Variants in HRH1 observed in about 807,000 individuals in gnomAD.
The protein encoded by HRH1 is histamine receptor H1.
A neutral mutation model predicts 10.3 loss-of-function variants in HRH1; 6 were observed. The observed-to-expected ratio is 0.58, with a 90% confidence interval of 0.32 to 1.15. HRH1 has a LOEUF of 1.15. Among genes scored for constraint, HRH1 ranks in the 50% most tolerant of loss-of-function variants. HRH1 has a pLI of 0.05. For missense variants in HRH1, 514 were observed against 615.3 expected (o/e 0.84, Z 1.74); for synonymous variants, 242 against 236.7 (o/e 1.02, Z -0.21).
At chr3:11,171,962 G>A (rs1284383729) in intron 1 of HRH1, among the ~76,000 whole-genome samples, 1 of 152,182 alleles carries the variant, frequency 6.6e-6, no homozygotes, top group Non-Finnish European at 1.5e-5. Flanking sequence ...AGATTTTGTA[G>A]GTGCTACTTG....
intron 1 of HRH1, among the ~76,000 whole-genome samples, chr3:11,196,875 C>T (rs1213523994): frequency 1.3e-5 from 2 of 148,554 alleles, no homozygotes; most frequent in Admixed American, 6.8e-5. Flanking sequence ...TTTGGGAGGC[C>T]GAGGTGGTCA....
chr3:11,137,614 G>A (rs925688980), intron 1 of HRH1, among the ~76,000 whole-genome samples: 1 of 152,144 alleles, frequency 6.6e-6, no homozygotes, highest in African/African-American at 2.4e-5. Context: ...ATCATGGGCT[G>A]TGATGGCTGA....
intron 1 of HRH1, among the ~76,000 whole-genome samples, chr3:11,221,963 G>C (rs1938724599): frequency 6.6e-6 from 1 of 152,192 alleles, no homozygotes; most frequent in African/African-American, 2.4e-5. Context: ...TCCATGGTAT[G>C]TGAGGACCAC....
At chr3:11,221,566 A>AAGT (rs1553577208) in intron 1 of HRH1, among the ~76,000 whole-genome samples, 2 of 145,346 alleles carry the variant, frequency 1.4e-5, no homozygotes, top group African/African-American at 5.5e-5. Flanking sequence ...AAAAAAAAAA[A>AAGT]ATGTATATAT....
Position 11,260,564 on chromosome 3 carries a change from G to A in HRH1, c.*63G>A, listed in dbSNP as rs887900662. 7.5e-6 allele frequency: 11 copies of A among 1,459,626 alleles called. No individual in the cohort carries two copies. The South Asian group carries it at 1.1e-4, about 14-fold the overall frequency. 90.4% of individuals were successfully genotyped at this position (1,459,626 alleles called of 1,614,324 possible). A position where few individuals can be genotyped will look rare whatever the true frequency, so the allele number is the denominator to read the frequency against. ...GATGTCCAACAAGGAAATAGAGGAC[G>A]AAGGCCTGTGTGTTGCCAGGCAGGC... On this transcript the variant is annotated 3_prime_UTR_variant, in exon 2 of 2. Transcript: ENST00000431010.
intron 1 of HRH1, among the ~76,000 whole-genome samples, chr3:11,186,210 A>G (rs912880715): frequency 6.6e-6 from 1 of 152,150 alleles, no homozygotes; most frequent in African/African-American, 2.4e-5. Flanking sequence ...TAGGAGTTCT[A>G]TACCTCTGGG....
At chr3:11,166,479 G>C (rs777170816) in intron 1 of HRH1, among the ~76,000 whole-genome samples, 2 of 152,210 alleles carry the variant, frequency 1.3e-5, no homozygotes, top group Admixed American at 6.5e-5. Flanking sequence ...TCCTGCCCTG[G>C]TGAGGCCTAC....
chr3:11,223,163 G>A (rs1167110586), intron 1 of HRH1, among the ~76,000 whole-genome samples: 5 of 108,982 alleles, frequency 4.6e-5, no homozygotes, highest in Non-Finnish European at 8.5e-5. Context: ...CCAGCCTGGC[G>A]ACAAAGCGAG....
chr3:11,146,827 CA>C (rs1936460973), intron 1 of HRH1, among the ~76,000 whole-genome samples: 2 of 152,132 alleles, frequency 1.3e-5, no homozygotes, highest in South Asian at 4.1e-4. Context: ...GGCAGCTAAG[CA>C]AAAGTTTCTG....
chr3:11,145,625 T>C (rs889855996), intron 1 of HRH1, among the ~76,000 whole-genome samples: 2 of 152,198 alleles, frequency 1.3e-5, no homozygotes, highest in African/African-American at 4.8e-5. Context: ...TATGGTAAAA[T>C]GTACAAATAA....
intron 1 of HRH1, among the ~76,000 whole-genome samples, chr3:11,224,996 G>A (rs1938836494): frequency 6.6e-6 from 1 of 152,156 alleles, no homozygotes; most frequent in East Asian, 1.9e-4. Flanking sequence ...AGAAGAGAGG[G>A]GAAAGTAGGC....
intron 1 of HRH1, among the ~76,000 whole-genome samples, chr3:11,168,548 G>A (rs1167455095): frequency 7.9e-5 from 12 of 152,194 alleles, no homozygotes; most frequent in African/African-American, 1.9e-4. Context: ...TGATGCGCTC[G>A]CCCCAGTCAC....
intron 1 of HRH1, among the ~76,000 whole-genome samples, chr3:11,181,274 A>G (rs1406463437): frequency 6.6e-6 from 1 of 152,108 alleles, no homozygotes; most frequent in East Asian, 1.9e-4. Flanking sequence ...ACAGAGCGAG[A>G]CCCTGTCTCC....
At chr3:11,161,035 A>G (rs1330706287) in intron 1 of HRH1, among the ~76,000 whole-genome samples, 3 of 152,168 alleles carry the variant, frequency 2.0e-5, no homozygotes, top group East Asian at 3.9e-4. Context: ...TAAACACTCA[A>G]TGTCATTCTC....
At chr3:11,178,919 T>A (rs1353377874) in intron 1 of HRH1, among the ~76,000 whole-genome samples, 1 of 152,202 alleles carries the variant, frequency 6.6e-6, no homozygotes, top group Non-Finnish European at 1.5e-5. Flanking sequence ...TTTTTAGAGA[T>A]GTTGGCAGGA....
At chr3:11,151,498 T>TG (rs1015612472), upstream of HRH1, among the ~76,000 whole-genome samples, 8 of 135,504 alleles carry the variant, frequency 5.9e-5, no homozygotes, top group Admixed American at 1.4e-4. Flanking sequence ...ATTCCTTTTT[T>TG]GGGGGGGCGG....
intron 1 of HRH1, among the ~76,000 whole-genome samples, chr3:11,183,602 C>T (rs1937397346): frequency 6.6e-6 from 1 of 152,182 alleles, no homozygotes; most frequent in Non-Finnish European, 1.5e-5. Context: ...TGGGCCCTGC[C>T]GGGGCGGCGG....
chr3:11,201,663 G>A (rs1937916050), intron 1 of HRH1, among the ~76,000 whole-genome samples: 1 of 152,202 alleles, frequency 6.6e-6, no homozygotes, highest in Admixed American at 6.5e-5. Context: ...AGTCGGAGAA[G>A]GGCTGTCTGA....
chr3:11,225,561 G>C (rs1205279952), intron 1 of HRH1, among the ~76,000 whole-genome samples: 1 of 152,198 alleles, frequency 6.6e-6, no homozygotes, highest in East Asian at 1.9e-4. Context: ...ACTTCATTAA[G>C]CACCTCCCCA....
Sources: gnomAD v4.1 joint callset for allele counts (sites outside exome capture counted in the v4.1 genomes callset) on GRCh38, gnomAD v4.1.1 for gene constraint, MANE v1.5 for transcripts, NCBI Gene and HGNC (gene_info 2026-07-23, HGNC 2026-07-21) for gene names.